The following SYNE2 variants were observed in gnomAD, a reference collection of about 807,000 sequenced individuals.
The protein encoded by SYNE2 is nesprin-2.
In SYNE2, 431 loss-of-function variants were observed where a neutral mutation model predicts 856.3. The ratio of observed to expected loss-of-function variants is 0.50; its 90% CI spans 0.47 to 0.55. The LOEUF is 0.55. Ranked by LOEUF, SYNE2 falls within the 20% of genes least tolerant of loss-of-function variation. The pLI is 0.00. For synonymous variants in SYNE2, 2,923 were observed against 2,872.3 expected, an observed-to-expected ratio of 1.02 and a Z score of -0.56; for missense variants, 8,129 against 8,023.2, an observed-to-expected ratio of 1.01 and a Z score of -0.50.
chr14:64,129,691 C>T (rs1228242981), intron 74 of SYNE2, 91 bp from the exon 75 acceptor site: 3 of 1,572,914 alleles, frequency 1.9e-6, no homozygotes, highest in African/African-American at 2.7e-5. Context: ...CCCTTCATCC[C>T]TTTCTGTACT....
At chr14:63,939,827 G>C (rs1420686881) in intron 2 of SYNE2, among the ~76,000 whole-genome samples, 3 of 152,200 alleles carry the variant, frequency 2.0e-5, no homozygotes. Flanking sequence ...AACAGGATTT[G>C]AACACAGTTC....
At chr14:63,820,844 G>A (rs996648621) in intron 1 of SYNE2, among the ~76,000 whole-genome samples, 1 of 151,842 alleles carries the variant, frequency 6.6e-6, no homozygotes, top group Non-Finnish European at 1.5e-5. Flanking sequence ...CTGCCTCCTG[G>A]GTTCAAGTGA....
chr14:64,212,971 C>T lies in SYNE2; in HGVS notation c.19022C>T (p.Ser6341Phe), dbSNP rs931967667. ...RYCQEVFGRV[S>F]RFHRRLTSCT... is the part of the protein sequence containing the mutation. ...TGCCAGGAGGTGTTTGGAAGGGTCT[C>T]CCGGTTCCACCGGCGGCTCACCTCC... The change falls in exon 105 of 116, where the codon TCC becomes TTC. Residue 6341 changes from serine to phenylalanine, a missense_variant. Ser to Phe is a radical substitution (Grantham distance 155, BLOSUM62 -2). Coordinates refer to ENST00000555002, the MANE Select transcript of SYNE2 (RefSeq NM_182914.3). 1.1e-5 allele frequency: 18 copies of T among 1,613,864 alleles called. No homozygotes were observed. The highest frequency in any genetic ancestry group is 3.4e-4 in the Middle Eastern group (2 of 5,948).
upstream of SYNE2, chr14:63,852,940 G>C (rs895733143): frequency 6.6e-5 from 10 of 152,068 alleles, no homozygotes; most frequent in Non-Finnish European, 1.3e-4. Flanking sequence ...GAGGCGGGCG[G>C]CGGGCGGGGA....
intron 1 of SYNE2, among the ~76,000 whole-genome samples, chr14:63,890,163 G>T (rs1447225379): frequency 1.3e-5 from 2 of 150,322 alleles, no homozygotes; most frequent in Non-Finnish European, 3.0e-5. Flanking sequence ...TGTGCTCTGG[G>T]GTGATCCTCC....
At chr14:64,125,779 G>C (rs901174446) in intron 71 of SYNE2, among the ~76,000 whole-genome samples, 1 of 152,166 alleles carries the variant, frequency 6.6e-6, no homozygotes, top group East Asian at 1.9e-4. Context: ...CACTGGGGAC[G>C]TGCTTGGAGT....
At chr14:63,819,578 C>T (rs537936571) in intron 1 of SYNE2, among the ~76,000 whole-genome samples, 1 of 150,720 alleles carries the variant, frequency 6.6e-6, no homozygotes, top group South Asian at 2.1e-4. Context: ...GCTGTGTAGC[C>T]CAGGCTGGAG....
rs747899857 is a variant in SYNE2, at chr14:63,840,399, T to TTTCCTTCCTTCCTTCC, written c.-304-12064_-304-12049dup. On this transcript the variant is annotated intron_variant, in intron 1 of 23. Transcript: ENST00000674003. ...TTTTTGTATTTCTTCCTTTCTTTCC[T>TTTCCTTCCTTCCTTCC]TTCCTTCCTTCCTTCCTTCCTTCCT... is the stretch of plus-strand genomic sequence containing the variant. Among the ~76,000 whole-genome samples, 66 of 115,474 alleles carry TTTCCTTCCTTCCTTCC rather than the reference T, an allele frequency of 5.7e-4. 1 individual carries two copies. The highest frequency in any genetic ancestry group is 1.1e-3 in the Admixed American group (11 of 10,358). 75.8% of individuals were successfully genotyped at this position (115,474 alleles called of 152,430 possible).
intron 1 of SYNE2, among the ~76,000 whole-genome samples, chr14:63,842,245 G>A (rs1407158420): frequency 6.6e-6 from 1 of 151,944 alleles, no homozygotes; most frequent in African/African-American, 2.4e-5. Context: ...CATATCAGCT[G>A]GCTGCAACCT....
chr14:63,963,623 A>G (rs2096351169), intron 9 of SYNE2, among the ~76,000 whole-genome samples: 1 of 152,200 alleles, frequency 6.6e-6, no homozygotes, highest in Non-Finnish European at 1.5e-5. Flanking sequence ...TGCCTGCTAT[A>G]AAGAAGTGAT....
chr14:63,961,482 G>A (rs780157544), intron 8 of SYNE2, 43 bp from the exon 9 acceptor site: 5 of 1,502,676 alleles, frequency 3.3e-6, no homozygotes, highest in Non-Finnish European at 2.8e-6. Flanking sequence ...ATTCATTATA[G>A]TAAATGTGTA....
At chr14:64,117,556 C>G (rs910042141) in intron 66 of SYNE2, among the ~76,000 whole-genome samples, 13 of 152,118 alleles carry the variant, frequency 8.5e-5, no homozygotes, top group Non-Finnish European at 4.4e-5. Context: ...CTCAGCCTCC[C>G]GAAGTGCTGG....
At chr14:63,771,134 A>G (rs954229221) in intron 1 of SYNE2, among the ~76,000 whole-genome samples, 43 of 147,476 alleles carry the variant, frequency 2.9e-4, no homozygotes, top group African/African-American at 9.7e-4. Flanking sequence ...CAGTGGCGCA[A>G]TCTCGGCTCA....
At chr14:64,127,412 GA>G (rs1450357159) in intron 73 of SYNE2, among the ~76,000 whole-genome samples, 1 of 151,684 alleles carries the variant, frequency 6.6e-6, no homozygotes, top group East Asian at 1.9e-4. Flanking sequence ...CTCAAAAAAA[GA>G]AAAAAGTAAA....
chr14:63,792,645 TTTTA>T (rs1432108106), intron 1 of SYNE2, among the ~76,000 whole-genome samples: 27 of 120,726 alleles, frequency 2.2e-4, no homozygotes, highest in Non-Finnish European at 4.0e-4. Context: ...GAGAGGGATG[TTTTA>T]TTTATTTGTT....
chr14:64,211,130 C>T (rs1455878984), intron 103 of SYNE2, among the ~76,000 whole-genome samples: 3 of 152,198 alleles, frequency 2.0e-5, no homozygotes, highest in African/African-American at 7.2e-5. Context: ...TACCGGCGTG[C>T]ATCACTGTGC....
chr14:64,007,325 G>A (rs571623301), intron 31 of SYNE2, 103 bp downstream of exon 31: 1 of 1,080,418 alleles, frequency 9.3e-7, no homozygotes, highest in Non-Finnish European at 1.4e-6. Context: ...GGACCCAAAG[G>A]AGGGACAAAC....
intron 100 of SYNE2, 130 bp from the exon 101 acceptor site, chr14:64,208,628 A>G (rs1183699933): frequency 1.1e-5 from 10 of 924,310 alleles, no homozygotes; most frequent in Admixed American, 3.8e-5. Context: ...TGCCAAGTTC[A>G]TGGTGGAAAT....
chr14:63,878,849 G>A (rs574740064), intron 1 of SYNE2, among the ~76,000 whole-genome samples: 1 of 152,310 alleles, frequency 6.6e-6, no homozygotes, highest in South Asian at 2.1e-4. Flanking sequence ...TCGGCTTGAA[G>A]CCCGTTTTAA....
Sources: gnomAD v4.1 joint callset for allele counts (sites outside exome capture counted in the v4.1 genomes callset) on GRCh38, gnomAD v4.1.1 for gene constraint, MANE v1.5 for transcripts, NCBI Gene and HGNC (gene_info 2026-07-23, HGNC 2026-07-21) for gene names.